Variants in CD180 observed in about 807,000 individuals in gnomAD.
The protein encoded by CD180 is CD180 molecule.
Under a neutral mutation model 10.7 loss-of-function variants are expected in CD180, and 11 were observed. That is an observed-to-expected ratio of 1.03 (90% CI 0.65 to 1.70). CD180 has a LOEUF of 1.70. Among genes scored for constraint, CD180 ranks in the 40% most tolerant of loss-of-function variants. The probability of loss-of-function intolerance (pLI) is 0.00; values close to 1 mark genes in which losing one functional copy is unlikely to be tolerated. For missense variants in CD180, 729 were observed against 775.2 expected, an observed-to-expected ratio of 0.94 and a Z score of 0.71; for synonymous variants, 286 against 294.6, an observed-to-expected ratio of 0.97 and a Z score of 0.30.
chr5:67,190,452 ACATGAC>A (rs1232514880), intron 1 of CD180, among the ~76,000 whole-genome samples: 2 of 152,230 alleles, frequency 1.3e-5, no homozygotes, highest in African/African-American at 4.8e-5. Flanking sequence ...TCGGATCTCC[ACATGAC>A]CATTTCCTAT....
At position 67,183,471 on chromosome 5, in the gene CD180, CAAGGAAGCAGTA is replaced by C; in HGVS notation, c.1360_1371del (p.Tyr454_Leu457del). On this transcript the variant is annotated inframe_deletion, in exon 3 of 3. Transcript: ENST00000256447. ...GCTAGAAGATGCTGATTGCTGGTATCAAGGAAGCAGTAAGTGAGATTCAGAACCTGAAGGAAA... is the reference window on the plus strand; with the variant it reads ...GCTAGAAGATGCTGATTGCTGGTATCAGTGAGATTCAGAACCTGAAGGAAA... 1 of 1,614,158 alleles carries C rather than the reference CAAGGAAGCAGTA, an allele frequency of 6.2e-7. No homozygotes were observed.
At chr5:67,194,402 C>T (rs1742362498) in intron 1 of CD180, among the ~76,000 whole-genome samples, 2 of 152,020 alleles carry the variant, frequency 1.3e-5, no homozygotes, top group African/African-American at 4.8e-5. Context: ...AGATATCTTT[C>T]AGACTAACCC....
chr5:67,192,177 T>C (rs1246852400), intron 1 of CD180, among the ~76,000 whole-genome samples: 1 of 151,890 alleles, frequency 6.6e-6, no homozygotes, highest in Non-Finnish European at 1.5e-5. Context: ...GATCAGGAGG[T>C]CAGGAGATCG....
chr5:67,185,874 A>G lies in CD180; in HGVS notation c.234T>C (p.Asn78=). Residue 78 remains asparagine, a synonymous_variant, in exon 2 of 3, where the codon AAT becomes AAC. Coordinates refer to ENST00000256447, the MANE Select transcript of CD180 (RefSeq NM_005582.3). Reference sequence around the variant, plus strand: ...ACCTAGTTAAATCCAAAAAGGTAAGATTCATGAGTCTGCTGAAGGTTCTAT... The same window carrying G: ...ACCTAGTTAAATCCAAAAAGGTAAGGTTCATGAGTCTGCTGAAGGTTCTAT... ...IHNRTFSRLM[N]LTFLDLTRCQ... The G allele has an allele frequency of 1.2e-6, 2 of 1,605,048 alleles. No individual in the cohort carries two copies. Among genetic ancestry groups the G allele is most frequent in the Non-Finnish European group, 1.7e-6 (2 of 1,176,224 alleles).
At chr5:67,186,672 A>G (rs764762865) in intron 1 of CD180, among the ~76,000 whole-genome samples, 28 of 152,242 alleles carry the variant, frequency 1.8e-4, no homozygotes, top group Non-Finnish European at 3.5e-4. Flanking sequence ...ACAATCAAAC[A>G]TTACATACTT....
At chr5:67,184,732 A>G (rs914181695) in intron 2 of CD180, 147 bp from the exon 3 acceptor site, 1 of 686,264 alleles carries the variant, frequency 1.5e-6, no homozygotes, top group Admixed American at 3.0e-5. Context: ...GGCCTATTGA[A>G]GGAATTAATG....
rs758843398 is a variant in CD180 at position 67,196,551 on chromosome 5, C to T, written c.90+1G>A. On this transcript the variant is annotated splice_donor_variant, in intron 1 of 2. Coordinates refer to ENST00000256447, the MANE Select transcript of CD180 (RefSeq NM_005582.3). LOFTEE classifies it high-confidence loss of function. ...CATAAAGACAAACAGTTTGGACTCA[C>T]CTCAATGCACATCTGATCCCAGGAG... 3.7e-6 allele frequency: 6 copies of T among 1,614,016 alleles called. No individual in the cohort carries two copies. The highest frequency in any genetic ancestry group is 2.5e-6 in the Non-Finnish European group (3 of 1,179,966).
chr5:67,185,288 TACAC>T (rs138274022), intron 2 of CD180, among the ~76,000 whole-genome samples: 9,115 of 130,020 alleles, frequency 0.07, 408 homozygotes, highest in African/African-American at 0.14. Flanking sequence ...TGTCCCCTCT[TACAC>T]ACACACACAC....
At chr5:67,195,387 T>C (rs567672978) in intron 1 of CD180, among the ~76,000 whole-genome samples, 1 of 152,248 alleles carries the variant, frequency 6.6e-6, no homozygotes, top group Admixed American at 6.5e-5. Flanking sequence ...CAGCTAATAT[T>C]TGTATTTTTA....
chr5:67,183,013 C>A lies in CD180; in HGVS notation c.1830G>T (p.Pro610=). The change falls in exon 3 of 3, where the codon CCG becomes CCT. Residue 610 remains proline (P), a synonymous_variant. Coordinates refer to ENST00000256447, the MANE Select transcript of CD180 (RefSeq NM_005582.3). ...EGSEETTCAN[P]PSLRGVKLSD... is the part of the protein sequence containing the mutation. Reference sequence around the variant, plus strand: ...ATAGCTTAACTCCCCTTAGAGATGGCGGGTTTGCACACGTGGTCTCCTCCG... The same window carrying A: ...ATAGCTTAACTCCCCTTAGAGATGGAGGGTTTGCACACGTGGTCTCCTCCG... 1 of 1,614,114 alleles carries A rather than the reference C, an allele frequency of 6.2e-7. No homozygotes were observed. The highest frequency in any genetic ancestry group is 8.5e-7 in the Non-Finnish European group (1 of 1,180,022).
At position 67,183,674 on chromosome 5, in the gene CD180, A is replaced by G; in HGVS notation, c.1169T>C (p.Leu390Pro). The G allele has an allele frequency of 6.2e-7, 1 of 1,614,150 alleles. No homozygotes were observed. Among genetic ancestry groups the G allele is most frequent in the Non-Finnish European group, 8.5e-7 (1 of 1,180,006 alleles). Residue 390 changes from leucine to proline, a missense_variant, in exon 3 of 3, where the codon CTG (leucine) becomes CCG (proline). Transcript: ENST00000256447. ...NDIEASDCCSLQLKNLSHLQT... is the reference protein window; with the variant it reads ...NDIEASDCCSPQLKNLSHLQT... ...CAAGTGGGACAGGTTTTTGAGTTGCAGACTGCAGCAGTCAGAAGCCTCTAT... is the reference window on the plus strand; with the variant it reads ...CAAGTGGGACAGGTTTTTGAGTTGCGGACTGCAGCAGTCAGAAGCCTCTAT...
At chr5:67,193,304 G>A (rs998489737) in intron 1 of CD180, among the ~76,000 whole-genome samples, 3 of 152,352 alleles carry the variant, frequency 2.0e-5, no homozygotes, top group African/African-American at 7.2e-5. Flanking sequence ...CAGCTTGGAA[G>A]GGTGAGTAAA....
chr5:67,188,105 G>A (rs1742235614), intron 1 of CD180, among the ~76,000 whole-genome samples: 1 of 151,888 alleles, frequency 6.6e-6, no homozygotes, highest in Non-Finnish European at 1.5e-5. Context: ...GGGACTCAGA[G>A]GTTGCAGTGA....
rs1056139379 is a variant in CD180 at position 67,180,808 on chromosome 5, G to C, written c.*2049C>G. Reference sequence around the variant, plus strand: ...GAGGTCAGGAGTTCAAGACCAGCCTGGCCAACATGGTGAAACCCTGTCTCT... The same window carrying C: ...GAGGTCAGGAGTTCAAGACCAGCCTCGCCAACATGGTGAAACCCTGTCTCT... On this transcript the variant is annotated 3_prime_UTR_variant, in exon 3 of 3. Transcript: ENST00000256447. The C allele has an allele frequency of 6.6e-6, 1 of 152,064 alleles. No individual in the cohort carries two copies. Among genetic ancestry groups the C allele is most frequent in the Middle Eastern group, 3.2e-3 (1 of 316 alleles). The allele number at this position is 152,064 out of a possible 1,614,324, so 9.4% of individuals were successfully genotyped here.
At chr5:67,195,872 G>A (rs1376055069) in intron 1 of CD180, among the ~76,000 whole-genome samples, 1 of 152,226 alleles carries the variant, frequency 6.6e-6, no homozygotes, top group Non-Finnish European at 1.5e-5. Flanking sequence ...TTGATCACTT[G>A]TGGGGTCAGA....
At chr5:67,189,874 A>C (rs1346426856) in intron 1 of CD180, among the ~76,000 whole-genome samples, 1 of 152,204 alleles carries the variant, frequency 6.6e-6, no homozygotes, top group Non-Finnish European at 1.5e-5. Context: ...TATATCCTAA[A>C]AACAAGGATA....
chr5:67,184,122 C>G lies in CD180; in HGVS notation c.721G>C (p.Gly241Arg). The G allele has an allele frequency of 3.1e-6, 5 of 1,614,150 alleles. No individual in the cohort carries two copies. Among genetic ancestry groups the G allele is most frequent in the Non-Finnish European group, 4.2e-6 (5 of 1,180,028 alleles). Residue 241 changes from glycine to arginine, a missense_variant, in exon 3 of 3, where the codon GGT becomes CGT. Physicochemically the swap from Gly to Arg is moderately radical, Grantham distance 125. Transcript: ENST00000256447. Reference sequence around the variant, plus strand: ...GACTGAGTAGTAGAGTTCTGCAGACCATTGAATATAACAGACAAATTTGGA... The same window carrying G: ...GACTGAGTAGTAGAGTTCTGCAGACGATTGAATATAACAGACAAATTTGGA... ...GTPNLSVIFN[G>R]LQNSTTQSLW... is the part of the protein sequence containing the mutation.
chr5:67,182,953 T>A lies in CD180; in HGVS notation c.1890A>T (p.Ile630=). The A allele has an allele frequency of 6.2e-7, 1 of 1,614,184 alleles. No homozygotes were observed. Among genetic ancestry groups the A allele is most frequent in the Non-Finnish European group, 8.5e-7 (1 of 1,180,004 alleles). ...GAAATACTATGAGAAAGAAAATGCC[T>A]ATGGCTGTAATCCCACAGGAAAGCT... ...DVKLSCGITA[I]GIFFLIVFLL... is the part of the protein sequence containing the mutation. Residue 630 remains isoleucine (I), a synonymous_variant, in exon 3 of 3, where the codon ATA becomes ATT. Coordinates refer to ENST00000256447, the MANE Select transcript of CD180 (RefSeq NM_005582.3).
rs761456008 is a variant in CD180, at chr5:67,183,835, C to T, written c.1008G>A (p.Leu336=). ...LVLSVNHFDQ[L]CQISAANFPS... ...GGAAATTGGCAGCACTGATTTGACA[C>T]AATTGATCGAAATGATTTACACTGA... The change falls in exon 3 of 3, where the codon TTG becomes TTA. Residue 336 remains leucine (L), a synonymous_variant. Transcript: ENST00000256447. 2 of 1,614,200 alleles carry T rather than the reference C, an allele frequency of 1.2e-6. No individual in the cohort carries two copies. The highest frequency in any genetic ancestry group is 1.7e-5 in the Admixed American group (1 of 60,030).
Sources: gnomAD v4.1 joint callset for allele counts (sites outside exome capture counted in the v4.1 genomes callset) on GRCh38, gnomAD v4.1.1 for gene constraint, MANE v1.5 for transcripts, NCBI Gene and HGNC (gene_info 2026-07-23, HGNC 2026-07-21) for gene names.